The following ARHGEF28 variants were observed in gnomAD, a reference collection of about 807,000 sequenced individuals.
ARHGEF28 encodes the protein Rho guanine nucleotide exchange factor 28, also known as 190 kDa guanine nucleotide exchange factor.
A neutral mutation model predicts 206.6 loss-of-function variants in ARHGEF28; 152 were observed. The observed-to-expected ratio is 0.74, with a 90% CI of 0.64 to 0.84. The LOEUF is 0.84. ARHGEF28 is among the 40% of genes least tolerant of loss of function. The probability of loss-of-function intolerance (pLI) is 0.00; values close to 1 mark genes in which losing one functional copy is unlikely to be tolerated. For synonymous variants in ARHGEF28, 763 were observed against 776.4 expected (o/e 0.98, Z 0.29); for missense variants, 2,028 against 2,073.2 (o/e 0.98, Z 0.42).
chr5:73,886,584 C>T (rs1309200365), intron 25 of ARHGEF28, among the ~76,000 whole-genome samples: 1 of 152,196 alleles, frequency 6.6e-6, no homozygotes, highest in African/African-American at 2.4e-5. Flanking sequence ...TAAGCTTTTC[C>T]TCAGTGCTAC....
chr5:73,834,663 TATA>T (rs1757508036), intron 10 of ARHGEF28, among the ~76,000 whole-genome samples: 1 of 152,064 alleles, frequency 6.6e-6, no homozygotes, highest in Non-Finnish European at 1.5e-5. Context: ...CCCATAAGAT[TATA>T]ATACCATATT....
chr5:73,924,659 C>T (rs903990050), intron 35 of ARHGEF28, among the ~76,000 whole-genome samples: 51 of 152,126 alleles, frequency 3.4e-4, no homozygotes, highest in African/African-American at 1.2e-3. Context: ...ATCAGCACAC[C>T]TCAAAAATTA....
At chr5:73,658,842 C>G (rs913601048) in intron 1 of ARHGEF28, among the ~76,000 whole-genome samples, 1 of 152,068 alleles carries the variant, frequency 6.6e-6, no homozygotes, top group African/African-American at 2.4e-5. Flanking sequence ...GGGAATTTTG[C>G]ATAGTATCTG....
At chr5:73,862,335 A>G (rs1446491273) in intron 16 of ARHGEF28, among the ~76,000 whole-genome samples, 4 of 151,992 alleles carry the variant, frequency 2.6e-5, no homozygotes, top group Admixed American at 6.5e-5. Context: ...CCTGCTTTCC[A>G]TTTGTTTGTA....
chr5:73,668,735 T>G (rs1746125513), intron 1 of ARHGEF28, among the ~76,000 whole-genome samples: 1 of 148,676 alleles, frequency 6.7e-6, no homozygotes, highest in South Asian at 2.1e-4. Flanking sequence ...AGTAGTTAGA[T>G]TTATTAACTT....
chr5:73,898,232 A>ATTTTTTGGCTCAGATAGAGAGGACT, intron 30 of ARHGEF28, 139 bp downstream of exon 30: 1 of 1,041,446 alleles, frequency 9.6e-7, no homozygotes, highest in Non-Finnish European at 1.3e-6. Context: ...AAAACTGAGA[A>ATTTTTTGGCTCAGATAGAGAGGACT]TAAATATGCT....
At chr5:73,791,298 C>T (rs933681531) in intron 7 of ARHGEF28, among the ~76,000 whole-genome samples, 1 of 152,222 alleles carries the variant, frequency 6.6e-6, no homozygotes, top group African/African-American at 2.4e-5. Context: ...CTATGAACTA[C>T]CCACCATGTA....
At chr5:73,939,116 C>T (rs997008662) in intron 35 of ARHGEF28, among the ~76,000 whole-genome samples, 1 of 152,100 alleles carries the variant, frequency 6.6e-6, no homozygotes, top group African/African-American at 2.4e-5. Flanking sequence ...AGCAAGGAGT[C>T]ATCACGTGGC....
chr5:73,913,864 T>A (rs1763056887), intron 35 of ARHGEF28, among the ~76,000 whole-genome samples: 1 of 152,236 alleles, frequency 6.6e-6, no homozygotes, highest in Admixed American at 6.5e-5. Flanking sequence ...CACTCTTTCA[T>A]TGTTAGGCCA....
intron 2 of ARHGEF28, among the ~76,000 whole-genome samples, chr5:73,699,963 T>A (rs936282159): frequency 2.0e-5 from 3 of 152,214 alleles, no homozygotes; most frequent in African/African-American, 7.2e-5. Flanking sequence ...TCTATTCTCA[T>A]CAGTAGAATC....
chr5:73,919,765 T>C (rs1410673585), intron 35 of ARHGEF28, among the ~76,000 whole-genome samples: 1 of 152,238 alleles, frequency 6.6e-6, no homozygotes, highest in Non-Finnish European at 1.5e-5. Flanking sequence ...TTTTTGAGTT[T>C]GGTTATCCTG....
At chr5:73,891,555 T>C (rs951104558) in intron 26 of ARHGEF28, among the ~76,000 whole-genome samples, 1 of 152,038 alleles carries the variant, frequency 6.6e-6, no homozygotes, top group Non-Finnish European at 1.5e-5. Flanking sequence ...TTTTTCTTTT[T>C]TTGAGATGGA....
intron 35 of ARHGEF28, among the ~76,000 whole-genome samples, chr5:73,937,949 A>G (rs913528529): frequency 6.6e-6 from 1 of 152,176 alleles, no homozygotes; most frequent in African/African-American, 2.4e-5. Context: ...GACCTTGCCT[A>G]CATAGTTCAG....
At chr5:73,682,838 G>A (rs1345215313) in intron 1 of ARHGEF28, among the ~76,000 whole-genome samples, 1 of 152,224 alleles carries the variant, frequency 6.6e-6, no homozygotes, top group African/African-American at 2.4e-5. Context: ...AACCTGGGAG[G>A]CGGAGGTTGC....
chr5:73,634,014 T>A (rs985644063), intron 1 of ARHGEF28, among the ~76,000 whole-genome samples: 9 of 152,222 alleles, frequency 5.9e-5, no homozygotes, highest in African/African-American at 1.9e-4. Flanking sequence ...GTCTTATGAA[T>A]AATCTTAATA....
intron 2 of ARHGEF28, among the ~76,000 whole-genome samples, chr5:73,694,629 A>G (rs1748070611): frequency 6.6e-6 from 1 of 152,202 alleles, no homozygotes; most frequent in Non-Finnish European, 1.5e-5. Context: ...AGAAGATGTG[A>G]TTTAGCTATA....
At chr5:73,762,261 G>A (rs1023665243) in intron 4 of ARHGEF28, among the ~76,000 whole-genome samples, 1 of 151,864 alleles carries the variant, frequency 6.6e-6, no homozygotes, top group African/African-American at 2.4e-5. Context: ...TTCAAGACCA[G>A]ACTGACCAAT....
chr5:73,768,780 G>T (rs948106393), intron 4 of ARHGEF28, among the ~76,000 whole-genome samples: 2 of 151,988 alleles, frequency 1.3e-5, no homozygotes, highest in Non-Finnish European at 2.9e-5. Flanking sequence ...TTTGGGAGGG[G>T]CCAGGGGAAG....
At chr5:73,654,805 A>G (rs974549323) in intron 1 of ARHGEF28, among the ~76,000 whole-genome samples, 1 of 152,092 alleles carries the variant, frequency 6.6e-6, no homozygotes, top group Non-Finnish European at 1.5e-5. Flanking sequence ...GTGTCTGATC[A>G]TTTTCTAGTT....
Sources: allele counts gnomAD v4.1 joint callset (sites outside exome capture counted in the v4.1 genomes callset), GRCh38; gene constraint gnomAD v4.1.1; transcripts MANE v1.5; gene names NCBI Gene and HGNC (gene_info 2026-07-23, HGNC 2026-07-21).